Variants in CAMTA1 observed in about 807,000 individuals in gnomAD.
The protein encoded by CAMTA1 is calmodulin binding transcription activator 1.
Under a neutral mutation model 170.9 loss-of-function variants are expected in CAMTA1, and 27 were observed. The observed-to-expected ratio is 0.16, with a 90% confidence interval of 0.12 to 0.22. The LOEUF (loss-of-function observed/expected upper bound fraction) is 0.22, where lower values mean the gene tolerates loss of function less well. CAMTA1 is among the 10% of genes least tolerant of loss of function. CAMTA1 has a pLI of 1.00. For synonymous variants in CAMTA1, 833 were observed against 891.5 expected, an observed-to-expected ratio of 0.93 and a Z score of 1.17; for missense variants, 1,619 against 2,217.2, an observed-to-expected ratio of 0.73 and a Z score of 5.42.
At chr1:7,654,817 CA>C (rs2095872551) in intron 7 of CAMTA1, among the ~76,000 whole-genome samples, 2 of 119,602 alleles carry the variant, frequency 1.7e-5, no homozygotes, top group African/African-American at 6.8e-5. Flanking sequence ...CCACACACAC[CA>C]CACACACCCC....
At chr1:7,640,336 G>C in intron 6 of CAMTA1, 64 bp from the exon 7 acceptor site, 1 of 1,587,768 alleles carries the variant, frequency 6.3e-7, no homozygotes. Context: ...CGGGGTTGGG[G>C]GCGGCCCTGA....
intron 5 of CAMTA1, among the ~76,000 whole-genome samples, chr1:7,283,560 G>T (rs1321749935): frequency 6.6e-6 from 1 of 152,078 alleles, no homozygotes; most frequent in Non-Finnish European, 1.5e-5. Flanking sequence ...TCTCCCCTTA[G>T]ACTCTTTGGA....
intron 6 of CAMTA1, among the ~76,000 whole-genome samples, chr1:7,558,930 C>T (rs2094919678): frequency 6.6e-6 from 1 of 152,198 alleles, no homozygotes; most frequent in Admixed American, 6.5e-5. Flanking sequence ...TGAGCTGGTG[C>T]AGCCTTTTCA....
intron 4 of CAMTA1, among the ~76,000 whole-genome samples, chr1:7,225,258 T>C (rs1406273292): frequency 2.0e-5 from 3 of 152,102 alleles, no homozygotes. Context: ...CTAATTTTTA[T>C]ATTTTTTAGT....
At chr1:7,697,592 G>A (rs1043217313) in intron 11 of CAMTA1, among the ~76,000 whole-genome samples, 1 of 152,200 alleles carries the variant, frequency 6.6e-6, no homozygotes, top group Non-Finnish European at 1.5e-5. Context: ...CATCCAACAT[G>A]TGTGTAATAG....
intron 4 of CAMTA1, among the ~76,000 whole-genome samples, chr1:7,118,779 C>T (rs1239634091): frequency 6.6e-6 from 1 of 152,090 alleles, no homozygotes; most frequent in Non-Finnish European, 1.5e-5. Flanking sequence ...TTGGTGGCAC[C>T]AGAACCATTT....
chr1:6,976,670 A>G (rs1572162338), intron 3 of CAMTA1, among the ~76,000 whole-genome samples: 1 of 152,170 alleles, frequency 6.6e-6, no homozygotes, highest in East Asian at 1.9e-4. Context: ...GGAGGAGCCA[A>G]GCTCTCCGTG....
intron 5 of CAMTA1, among the ~76,000 whole-genome samples, chr1:7,282,638 G>A (rs1185119469): frequency 6.6e-6 from 1 of 152,132 alleles, no homozygotes; most frequent in Non-Finnish European, 1.5e-5. Context: ...GCTCTAGAAG[G>A]ACTCCACGTG....
At chr1:7,616,740 C>T (rs1344333794) in intron 6 of CAMTA1, among the ~76,000 whole-genome samples, 1 of 151,704 alleles carries the variant, frequency 6.6e-6, no homozygotes, top group Non-Finnish European at 1.5e-5. Flanking sequence ...GGAGGAGAGA[C>T]GGGGCCCCCC....
chr1:7,551,221 G>T (rs1466383788), intron 6 of CAMTA1, among the ~76,000 whole-genome samples: 1 of 152,186 alleles, frequency 6.6e-6, no homozygotes, highest in African/African-American at 2.4e-5. Context: ...GGAGGAGGGT[G>T]CTTATCACAT....
At chr1:7,603,826 G>T (rs540511890) in intron 6 of CAMTA1, among the ~76,000 whole-genome samples, 1 of 152,196 alleles carries the variant, frequency 6.6e-6, no homozygotes, top group African/African-American at 2.4e-5. Context: ...GGTACCAGTT[G>T]TTCCTTTCCA....
Position 7,532,247 on chromosome 1 carries a change from A to C in CAMTA1, c.510+64346A>C, listed in dbSNP as rs1186998898. Among the ~76,000 whole-genome samples the C allele has an allele frequency of 6.6e-6, 1 of 152,034 alleles. No homozygotes were observed. Among genetic ancestry groups the C allele is most frequent in the Non-Finnish European group, 1.5e-5 (1 of 68,000 alleles). The stretch of plus-strand genomic sequence containing the variant: ...GACATTCTTGCACACTAGTGCCCTC[A>C]AGTCAGGACTGCCACTCACCCTCCG... On this transcript the variant is annotated intron_variant, in intron 6 of 22. Transcript: ENST00000303635. This position sits in a 1 kb window ranked among gnomAD's most constrained non-coding sequence, Gnocchi z 4.2.
intron 6 of CAMTA1, among the ~76,000 whole-genome samples, chr1:7,558,797 A>G (rs1213977833): frequency 6.6e-6 from 1 of 152,250 alleles, no homozygotes; most frequent in African/African-American, 2.4e-5. Context: ...TTAAAGAAGG[A>G]TTTCAGCAGC....
intron 9 of CAMTA1, 66 bp from the exon 10 acceptor site, chr1:7,670,845 G>T (rs1442925198): frequency 1.1e-5 from 18 of 1,581,500 alleles, no homozygotes; most frequent in Non-Finnish European, 1.4e-5. Context: ...CCTCAGGGGG[G>T]CTTCCCCATG....
chr1:7,650,056 T>G (rs908592236), intron 7 of CAMTA1, among the ~76,000 whole-genome samples: 1 of 152,100 alleles, frequency 6.6e-6, no homozygotes, highest in South Asian at 2.1e-4. Flanking sequence ...GGCACCTGAG[T>G]CCAGGAGGCC....
intron 1 of CAMTA1, among the ~76,000 whole-genome samples, chr1:6,817,635 C>G (rs1295179965): frequency 6.6e-6 from 1 of 152,168 alleles, no homozygotes; most frequent in Non-Finnish European, 1.5e-5. Context: ...TCATAGTTAA[C>G]TACTTTTTTT....
chr1:6,882,054 A>G lies in CAMTA1; in HGVS notation c.234+56844A>G, dbSNP rs188684730. Reference sequence around the variant, plus strand: ...GGGCAGGGCCAGCAGACCACAGCCCATGGCAGGTTCTGGCCCACTGCCTGT... The same window carrying G: ...GGGCAGGGCCAGCAGACCACAGCCCGTGGCAGGTTCTGGCCCACTGCCTGT... On this transcript the variant is annotated intron_variant, in intron 3 of 22. Transcript: ENST00000303635. Among the ~76,000 whole-genome samples the G allele has an allele frequency of 9.2e-5, 14 of 152,366 alleles. No individual in the cohort carries two copies. In the East Asian group the frequency reaches 1.9e-3, roughly 21 times the overall value.
chr1:7,059,014 C>T (rs1409752580), intron 3 of CAMTA1, among the ~76,000 whole-genome samples: 1 of 152,148 alleles, frequency 6.6e-6, no homozygotes, highest in African/African-American at 2.4e-5. Flanking sequence ...GCAAGCTACA[C>T]GTTTGGCTCA....
intron 4 of CAMTA1, among the ~76,000 whole-genome samples, chr1:7,244,134 G>GCAGCC (rs1665363221): frequency 6.6e-6 from 1 of 152,112 alleles, no homozygotes; most frequent in Non-Finnish European, 1.5e-5. Flanking sequence ...AAAAACACAT[G>GCAGCC]AAAAAATGCT....
Sources: gnomAD v4.1 joint callset for allele counts (sites outside exome capture counted in the v4.1 genomes callset) on GRCh38, gnomAD v4.1.1 for gene constraint, Gnocchi (gnomAD v3.1) non-coding constraint, MANE v1.5 for transcripts, NCBI Gene and HGNC (gene_info 2026-07-23, HGNC 2026-07-21) for gene names.